NOM1: variants seen among roughly 807,000 people sequenced by gnomAD.
NOM1 encodes nucleolar MIF4G domain-containing protein 1.
NOM1 carries 58 observed loss-of-function variants against 73.3 expected under a neutral mutation model. The ratio of observed to expected loss-of-function variants is 0.79; its 90% CI spans 0.64 to 0.99. The LOEUF is 0.99. Ranked by LOEUF, NOM1 falls within the 50% of genes least tolerant of loss-of-function variation. The pLI, the probability that NOM1 is intolerant of heterozygous loss-of-function variation, is 0.00. For missense variants in NOM1, 1,226 were observed against 1,131.9 expected, an observed-to-expected ratio of 1.08 and a Z score of -1.19; for synonymous variants, 487 against 446.8, an observed-to-expected ratio of 1.09 and a Z score of -1.14.
At chr7:156,951,095 C>G (rs560715041) in intron 1 of NOM1, among the ~76,000 whole-genome samples, 3 of 152,258 alleles carry the variant, frequency 2.0e-5, no homozygotes, top group Admixed American at 6.5e-5. Context: ...AGTGAATTTT[C>G]TAAAACTCGA....
At chr7:156,954,542 T>TTTTTTTTTTTTTTTTTTTTA in intron 3 of NOM1, among the ~76,000 whole-genome samples, 1 of 70,086 alleles carries the variant, frequency 1.4e-5, no homozygotes. Flanking sequence ...TTTTTTTTTT[T>TTTTTTTTTTTTTTTTTTTTA]GAGACAGGGT....
At chr7:156,952,442 A>AT (rs1385736310) in intron 1 of NOM1, 32 bp from the exon 2 acceptor site, 1 of 1,595,428 alleles carries the variant, frequency 6.3e-7, no homozygotes, top group Middle Eastern at 1.8e-4. Context: ...GTCAGTGTAA[A>AT]TTTTTTGTAA....
Position 156,954,087 on chromosome 7 carries a change from T to G in NOM1, c.1113-16T>G. ...TTGGAAACATTGTTGCTCTCTGTCTTTACAATTCTCTGCAGGTTGAGTGAA... is the reference window on the plus strand; with the variant it reads ...TTGGAAACATTGTTGCTCTCTGTCTGTACAATTCTCTGCAGGTTGAGTGAA... On this transcript the variant is annotated splice_polypyrimidine_tract_variant and intron_variant, in intron 2 of 10. Coordinates refer to ENST00000275820, the MANE Select transcript of NOM1 (RefSeq NM_138400.2). 6.3e-7 allele frequency: 1 copy of G among 1,595,802 alleles called. No individual in the cohort carries two copies. The highest frequency in any genetic ancestry group is 8.5e-7 in the Non-Finnish European group (1 of 1,174,586).
Position 156,949,945 on chromosome 7 carries a change from G to T in NOM1, c.208G>T (p.Ala70Ser). Residue 70 changes from alanine (A) to serine (S), a missense_variant, in exon 1 of 11, where the codon GCC (alanine) becomes TCC (serine). Coordinates refer to ENST00000275820, the MANE Select transcript of NOM1 (RefSeq NM_138400.2). ...EAPGGCEGRGAPVSFRPGGRK... is the reference protein window; with the variant it reads ...EAPGGCEGRGSPVSFRPGGRK... ...TCCCGGGGGTTGCGAGGGGCGCGGCGCCCCGGTGAGCTTTCGCCCGGGAGG... is the reference window on the plus strand; with the variant it reads ...TCCCGGGGGTTGCGAGGGGCGCGGCTCCCCGGTGAGCTTTCGCCCGGGAGG... 1 of 1,541,700 alleles carries T rather than the reference G, an allele frequency of 6.5e-7. No homozygotes were observed.
At position 156,969,854 on chromosome 7, in the gene NOM1, G is replaced by A. The variant is rs771117986; in HGVS notation, c.*151G>A. ...ATTTTGAGATTTTTTTTGATCTAAG[G>A]TTTTATTGTTTGTATTTCAAGCCAT... On this transcript the variant is annotated 3_prime_UTR_variant, in exon 11 of 11. Coordinates refer to ENST00000275820, the MANE Select transcript of NOM1 (RefSeq NM_138400.2). The A allele has an allele frequency of 3.8e-5, 27 of 710,458 alleles. No homozygotes were observed. Among genetic ancestry groups the A allele is most frequent in the Non-Finnish European group, 5.0e-5 (24 of 480,676 alleles). The allele number at this position is 710,458 out of a possible 1,614,324, so 44.0% of individuals were successfully genotyped here.
At chr7:156,965,558 T>C (rs1804975002) in intron 7 of NOM1, among the ~76,000 whole-genome samples, 1 of 152,330 alleles carries the variant, frequency 6.6e-6, no homozygotes, top group Middle Eastern at 3.4e-3. Context: ...CATATGGGCT[T>C]ATCCACACTC....
intron 4 of NOM1, among the ~76,000 whole-genome samples, chr7:156,960,825 A>T (rs1586570895): frequency 1.3e-5 from 2 of 152,072 alleles, no homozygotes; most frequent in East Asian, 3.9e-4. Context: ...GAGGTGGTCG[A>T]AGTCAGGAGG....
Position 156,954,258 on chromosome 7 carries a change from T to G in NOM1, c.1268T>G (p.Val423Gly). 2.5e-6 allele frequency: 4 copies of G among 1,609,308 alleles called. No homozygotes were observed. Among genetic ancestry groups the G allele is most frequent in the South Asian group, 2.2e-5 (2 of 90,318 alleles). The change falls in exon 3 of 11, where the codon GTT becomes GGT. Residue 423 changes from valine to glycine, a missense_variant. Coordinates refer to ENST00000275820, the MANE Select transcript of NOM1 (RefSeq NM_138400.2). ...CCCAGCAGACTGATGATGGAGCATG[T>G]TCTCTTAGTCAGCATCCTTCACCAC... is the stretch of plus-strand genomic sequence containing the variant. ...AMPSRLMMEH[V>G]LLVSILHHTV...
At chr7:156,956,930 G>A (rs967501674) in intron 3 of NOM1, among the ~76,000 whole-genome samples, 1 of 152,136 alleles carries the variant, frequency 6.6e-6, no homozygotes, top group Non-Finnish European at 1.5e-5. Context: ...TGCTTCAGCT[G>A]ACTTAATCAT....
intron 6 of NOM1, chr7:156,963,450 A>ACCTG: frequency 2.0e-6 from 1 of 508,560 alleles, no homozygotes; most frequent in Non-Finnish European, 3.6e-6. Flanking sequence ...ACGGGGCAGG[A>ACCTG]GTCCGTTGCT....
At chr7:156,955,201 C>G (rs12668289) in intron 3 of NOM1, among the ~76,000 whole-genome samples, 118,378 of 152,130 alleles carry the variant, frequency 0.78, 46,143 homozygotes, top group Admixed American at 0.85. Flanking sequence ...TGGTTAAAGT[C>G]AGAGAGGCTC....
intron 9 of NOM1, among the ~76,000 whole-genome samples, chr7:156,967,861 T>C (rs1805038943): frequency 6.6e-6 from 1 of 151,688 alleles, no homozygotes; most frequent in South Asian, 2.1e-4. Context: ...TGGGGTTAGA[T>C]GTGGGCCTGT....
chr7:156,963,886 CCATT>C lies in NOM1; in HGVS notation c.1912-15_1912-12del. 2 of 1,608,544 alleles carry C rather than the reference CCATT, an allele frequency of 1.2e-6. No individual in the cohort carries two copies. Among genetic ancestry groups the C allele is most frequent in the Non-Finnish European group, 1.7e-6 (2 of 1,177,202 alleles). On this transcript the variant is annotated splice_polypyrimidine_tract_variant and intron_variant, in intron 6 of 10. Transcript: ENST00000275820. The stretch of plus-strand genomic sequence containing the variant: ...GCATGGAGACATGCGTATGACTTGT[CCATT>C]CATCGTGCTTCCAGGTCAGTTCAAA...
Sources: gnomAD v4.1 joint callset for allele counts (sites outside exome capture counted in the v4.1 genomes callset) on GRCh38, gnomAD v4.1.1 for gene constraint, MANE v1.5 for transcripts, NCBI Gene and HGNC (gene_info 2026-07-23, HGNC 2026-07-21) for gene names.